Variants in USP37 observed in about 807,000 individuals in gnomAD.
USP37 encodes ubiquitin carboxyl-terminal hydrolase 37.
In USP37, 27 loss-of-function variants were observed where a neutral mutation model predicts 124.0. That is an observed-to-expected ratio of 0.22 (90% CI 0.16 to 0.30). The LOEUF is 0.30. USP37 is among the 10% of genes least tolerant of loss of function. The pLI, the probability that USP37 is intolerant of heterozygous loss-of-function variation, is 1.00. For synonymous variants in USP37, 365 were observed against 388.0 expected, an observed-to-expected ratio of 0.94 and a Z score of 0.70; for missense variants, 889 against 1,140.4, an observed-to-expected ratio of 0.78 and a Z score of 3.17.
At chr2:218,467,436 CCTCT>C (rs1247435003) in intron 20 of USP37, among the ~76,000 whole-genome samples, 1 of 152,036 alleles carries the variant, frequency 6.6e-6, no homozygotes, top group Non-Finnish European at 1.5e-5. Flanking sequence ...GCAACCTTTG[CCTCT>C]AGGGTTCCAG....
At position 218,488,780 on chromosome 2, in the gene USP37, C is replaced by A. The variant is rs538454704; in HGVS notation, c.1473-359G>T. ...GCTCGCAAGTAGCTGGGATTACAGG[C>A]ATGCGCCACCATGCCCGGCTAATTT... is the stretch of plus-strand genomic sequence containing the variant. On this transcript the variant is annotated intron_variant, in intron 14 of 25. Transcript: ENST00000258399. Among the ~76,000 whole-genome samples, 36 of 152,160 alleles carry A rather than the reference C, an allele frequency of 2.4e-4. No individual in the cohort carries two copies. In the East Asian group the frequency reaches 6.4e-3, roughly 27 times the overall value.
chr2:218,563,317 T>A (rs527437229), intron 1 of USP37, among the ~76,000 whole-genome samples: 1 of 152,348 alleles, frequency 6.6e-6, no homozygotes, highest in South Asian at 2.1e-4. Flanking sequence ...TAGGAACTTA[T>A]CTGCTGTGCA....
chr2:218,559,440 G>T (rs1425869010), intron 3 of USP37, among the ~76,000 whole-genome samples: 1 of 152,152 alleles, frequency 6.6e-6, no homozygotes, highest in Non-Finnish European at 1.5e-5. Context: ...ATATCCGTAT[G>T]TACAGAAGAC....
intron 25 of USP37, among the ~76,000 whole-genome samples, chr2:218,455,232 A>G (rs1398453809): frequency 6.6e-6 from 1 of 152,182 alleles, no homozygotes; most frequent in Non-Finnish European, 1.5e-5. Flanking sequence ...AGTTAGCTTT[A>G]ATGAACATGC....
intron 10 of USP37, 98 bp downstream of exon 10, chr2:218,529,858 T>C: frequency 1.1e-6 from 1 of 874,340 alleles, no homozygotes; most frequent in East Asian, 2.6e-5. Context: ...AATTATCATA[T>C]TCACTTAAGA....
intron 4 of USP37, among the ~76,000 whole-genome samples, chr2:218,557,375 C>CA (rs1693049067): frequency 6.6e-6 from 1 of 152,016 alleles, no homozygotes; most frequent in African/African-American, 2.4e-5. Context: ...CCTGTATTTG[C>CA]AAAAAACCCT....
rs1256499263 is a variant in USP37, at chr2:218,547,062, A to T, written c.459T>A (p.Thr153=). ...QASAKRGSLE[T]KDDIPFRKVL... is the part of the protein sequence containing the mutation. ...CTTTTCGAAATGGAATATCATCTTT[A>T]GTTTCCAAACTTCCTCTTTTTGCAG... The change falls in exon 7 of 26, where the codon ACT becomes ACA. Residue 153 remains threonine, a synonymous_variant. Coordinates refer to ENST00000258399, the MANE Select transcript of USP37 (RefSeq NM_020935.3). The T allele has an allele frequency of 6.2e-7, 1 of 1,602,218 alleles. No homozygotes were observed. The highest frequency in any genetic ancestry group is 8.5e-7 in the Non-Finnish European group (1 of 1,177,350).
In USP37 at chr2:218,496,642, TTTTC is replaced by T. The variant is rs970475058; in HGVS notation, c.1282-696_1282-693del. ...TTAATCTTACTACAGCTCCTTAGGT[TTTTC>T]TTTCTTTCTTTCTTTCTTTGAGACA... On this transcript the variant is annotated intron_variant, in intron 13 of 25. Transcript: ENST00000258399. Among the ~76,000 whole-genome samples, 29 of 151,826 alleles carry T rather than the reference TTTTC, an allele frequency of 1.9e-4. 1 individual carries two copies. In the East Asian group the frequency reaches 2.3e-3, roughly 12 times the overall value.
At chr2:218,557,920 G>A (rs952401364) in intron 4 of USP37, among the ~76,000 whole-genome samples, 1 of 20,880 alleles carries the variant, frequency 4.8e-5, no homozygotes. Context: ...GACAGAGGAA[G>A]ACTCTGTCTC....
In USP37 at chr2:218,553,690, G is replaced by C. The variant is rs778001829; in HGVS notation, c.191C>G (p.Pro64Arg). The C allele has an allele frequency of 1.2e-6, 2 of 1,612,254 alleles. No individual in the cohort carries two copies. Among genetic ancestry groups the C allele is most frequent in the Admixed American group, 3.3e-5 (2 of 59,726 alleles). Residue 64 changes from proline (P) to arginine (R), a missense_variant, in exon 5 of 26, where the codon CCC becomes CGC. Pro to Arg is a moderately radical substitution (Grantham distance 103, BLOSUM62 -2). Around this residue, in one of 3 missense-constraint regions of USP37, gnomAD observed 374 missense variants for 386.0 expected, o/e 0.97. Coordinates refer to ENST00000258399, the MANE Select transcript of USP37 (RefSeq NM_020935.3). Reference protein sequence around the residue: ...SHNIKNVVLRPSGAKQSRLML... With the variant: ...SHNIKNVVLRRSGAKQSRLML... ...TAGGCGGCTTTGTTTCGCTCCACTG[G>C]GTCGAAGCACCACATTTTTAATGTT...
At chr2:218,482,288 T>C (rs1030670344) in intron 16 of USP37, 54 bp from the exon 17 acceptor site, 2 of 1,545,882 alleles carry the variant, frequency 1.3e-6, no homozygotes, top group African/African-American at 2.7e-5. Context: ...CATGTATCTT[T>C]CTTACAGTAA....
In USP37 at chr2:218,515,088, T is replaced by G. The variant is rs1435849752; in HGVS notation, c.864-4948A>C. Among the ~76,000 whole-genome samples, 8 of 152,192 alleles carry G rather than the reference T, an allele frequency of 5.3e-5. 1 individual carries two copies. Among genetic ancestry groups the G allele is most frequent in the Admixed American group, 5.2e-4 (8 of 15,278 alleles). ...TCCCTGCTCTAGCCCTGGAATCAAC[T>G]ATTATTTCAAGGAGCTCTGCTTTCT... is the stretch of plus-strand genomic sequence containing the variant. On this transcript the variant is annotated intron_variant, in intron 10 of 25. Coordinates refer to ENST00000258399, the MANE Select transcript of USP37 (RefSeq NM_020935.3).
At chr2:218,555,368 A>G (rs977428098) in intron 4 of USP37, among the ~76,000 whole-genome samples, 1 of 152,174 alleles carries the variant, frequency 6.6e-6, no homozygotes, top group Non-Finnish European at 1.5e-5. Context: ...ATTTATATTC[A>G]AATTTTAAAT....
At chr2:218,465,583 C>T (rs770282478) in intron 21 of USP37, among the ~76,000 whole-genome samples, 45 of 152,124 alleles carry the variant, frequency 3.0e-4, no homozygotes, top group Non-Finnish European at 4.0e-4. Flanking sequence ...ACACTACCCA[C>T]GTACCTGTTT....
At chr2:218,509,190 T>C (rs1352894866) in intron 11 of USP37, among the ~76,000 whole-genome samples, 7 of 152,210 alleles carry the variant, frequency 4.6e-5, no homozygotes, top group Admixed American at 1.3e-4. Flanking sequence ...CCAAGATTAA[T>C]GTGCAGTGAA....
At chr2:218,466,730 C>T (rs1202515502) in intron 20 of USP37, among the ~76,000 whole-genome samples, 1 of 151,910 alleles carries the variant, frequency 6.6e-6, no homozygotes, top group African/African-American at 2.4e-5. Flanking sequence ...TGAGATTTTC[C>T]CCATTCTTTT....
At position 218,469,267 on chromosome 2, in the gene USP37, C is replaced by CTTCT. The variant is rs528944951; in HGVS notation, c.2300-3092_2300-3091insAGAA. Among the ~76,000 whole-genome samples the CTTCT allele has an allele frequency of 3.6e-3, 548 of 152,272 alleles. 4 individuals are homozygous for CTTCT. The highest frequency in any genetic ancestry group is 4.0e-3 in the Non-Finnish European group (271 of 68,020). Reference sequence around the variant, plus strand: ...TTCCTTTCTTCTATTATTGGAGAAACAACCCTTGCCATGGCCTAGAAGGGG... The same window carrying CTTCT: ...TTCCTTTCTTCTATTATTGGAGAAACTTCTAACCCTTGCCATGGCCTAGAAGGGG... On this transcript the variant is annotated intron_variant, in intron 20 of 25. Coordinates refer to ENST00000258399, the MANE Select transcript of USP37 (RefSeq NM_020935.3).
At chr2:218,463,188 AC>A in intron 22 of USP37, 117 bp downstream of exon 22, 1 of 136,618 alleles carries the variant, frequency 7.3e-6, no homozygotes, top group Non-Finnish European at 1.5e-5. Context: ...ACACACACAC[AC>A]ACACACACAC....
intron 11 of USP37, among the ~76,000 whole-genome samples, chr2:218,507,258 A>G (rs1304501665): frequency 1.3e-5 from 2 of 151,952 alleles, no homozygotes; most frequent in African/African-American, 4.8e-5. Context: ...CCCTGGTTCA[A>G]GTGATACTCC....
Sources: gnomAD v4.1 joint callset for allele counts (sites outside exome capture counted in the v4.1 genomes callset) on GRCh38, gnomAD v4.1.1 for gene constraint, gnomAD v4.1.1 regional missense constraint, MANE v1.5 for transcripts, NCBI Gene and HGNC (gene_info 2026-07-23, HGNC 2026-07-21) for gene names.